The following GULP1 variants were observed in gnomAD, a reference collection of about 807,000 sequenced individuals.
The protein encoded by GULP1 is GULP PTB domain containing engulfment adaptor 1.
A neutral mutation model predicts 40.9 loss-of-function variants in GULP1; 19 were observed. The ratio of observed to expected loss-of-function variants is 0.46; its 90% confidence interval spans 0.32 to 0.68. The LOEUF is 0.68. Ranked by LOEUF, GULP1 falls within the 30% of genes least tolerant of loss-of-function variation. The pLI, the probability that GULP1 is intolerant of heterozygous loss-of-function variation, is 0.03. For missense variants in GULP1, 312 were observed against 362.2 expected (o/e 0.86, Z 1.12); for synonymous variants, 119 against 117.6 (o/e 1.01, Z -0.08).
chr2:188,342,693 A>C (rs2152188367), intron 1 of GULP1, among the ~76,000 whole-genome samples: 1 of 152,320 alleles, frequency 6.6e-6, no homozygotes, highest in African/African-American at 2.4e-5. Context: ...GTTTTATAGA[A>C]GAATGTTATT....
chr2:188,548,590 A>G (rs777406718), intron 7 of GULP1, among the ~76,000 whole-genome samples: 4 of 152,072 alleles, frequency 2.6e-5, no homozygotes, highest in Non-Finnish European at 4.4e-5. Context: ...TAAACTTTAT[A>G]TGGAAAAGCA....
At chr2:188,460,071 T>A (rs1318343569) in intron 2 of GULP1, among the ~76,000 whole-genome samples, 1 of 152,216 alleles carries the variant, frequency 6.6e-6, no homozygotes, top group East Asian at 1.9e-4. Context: ...TGAAGTCAGG[T>A]AATATGATTC....
At chr2:188,338,882 C>G (rs986615036) in intron 1 of GULP1, among the ~76,000 whole-genome samples, 2 of 152,190 alleles carry the variant, frequency 1.3e-5, no homozygotes, top group Non-Finnish European at 2.9e-5. Context: ...CCCTTCCACT[C>G]TGTGTGGAAG....
chr2:188,432,992 T>C (rs1199749811), intron 2 of GULP1, among the ~76,000 whole-genome samples: 3 of 152,224 alleles, frequency 2.0e-5, no homozygotes, highest in South Asian at 2.1e-4. Context: ...ATGTAAAAGA[T>C]TGGGTCCAAA....
chr2:188,591,805 G>C (rs1703617377), intron 11 of GULP1: 1 of 151,530 alleles, frequency 6.6e-6, no homozygotes, highest in Non-Finnish European at 1.5e-5. Flanking sequence ...TCCTTGATAT[G>C]CTTTTCTATT....
intron 2 of GULP1, among the ~76,000 whole-genome samples, chr2:188,438,612 A>G (rs975802393): frequency 2.6e-5 from 4 of 151,638 alleles, no homozygotes; most frequent in African/African-American, 7.3e-5. Flanking sequence ...ATTATTCCCA[A>G]TTCTTTGTTC....
At chr2:188,306,179 A>G (rs1026985032) in intron 1 of GULP1, among the ~76,000 whole-genome samples, 3 of 152,162 alleles carry the variant, frequency 2.0e-5, no homozygotes, top group Admixed American at 6.5e-5. Flanking sequence ...AATAGTTTCT[A>G]ATTGTTCAAC....
intron 7 of GULP1, among the ~76,000 whole-genome samples, chr2:188,551,849 C>G (rs771096700): frequency 7.3e-5 from 11 of 151,592 alleles, no homozygotes; most frequent in Non-Finnish European, 1.3e-4. Context: ...TATCTTTTGT[C>G]TTTTTGACAA....
chr2:188,294,549 G>A (rs75722582), intron 1 of GULP1, among the ~76,000 whole-genome samples: 11,141 of 152,002 alleles, frequency 0.073, 561 homozygotes, highest in Non-Finnish European at 0.1. Context: ...AGAGAGGTGG[G>A]TTGTAGGTTT....
chr2:188,457,308 T>C (rs1260977489), intron 2 of GULP1, among the ~76,000 whole-genome samples: 3 of 152,168 alleles, frequency 2.0e-5, no homozygotes, highest in Non-Finnish European at 4.4e-5. Context: ...GCTTGAATTG[T>C]AACTCCCACA....
chr2:188,574,609 A>G (rs1699797818), intron 9 of GULP1, among the ~76,000 whole-genome samples: 1 of 152,108 alleles, frequency 6.6e-6, no homozygotes, highest in Non-Finnish European at 1.5e-5. Context: ...TGATCATGCC[A>G]CTATATTCCA....
At chr2:188,550,030 T>G (rs533739120) in intron 7 of GULP1, among the ~76,000 whole-genome samples, 11 of 151,858 alleles carry the variant, frequency 7.2e-5, no homozygotes, top group Admixed American at 2.0e-4. Flanking sequence ...CTGACTATAT[T>G]ATGAATATCC....
chr2:188,551,812 T>A (rs1013304118), intron 7 of GULP1, among the ~76,000 whole-genome samples: 2 of 151,894 alleles, frequency 1.3e-5, no homozygotes, highest in African/African-American at 2.4e-5. Context: ...AAAGTTCCTT[T>A]TTCTCCACAT....
chr2:188,512,997 A>T (rs780308140), intron 4 of GULP1, among the ~76,000 whole-genome samples: 79 of 152,138 alleles, frequency 5.2e-4, no homozygotes, highest in Non-Finnish European at 1.0e-3. Context: ...CTATAGATTT[A>T]ATTTCAGCAG....
At chr2:188,457,297 A>G (rs2059347316) in intron 2 of GULP1, among the ~76,000 whole-genome samples, 1 of 152,186 alleles carries the variant, frequency 6.6e-6, no homozygotes, top group Non-Finnish European at 1.5e-5. Flanking sequence ...CCCAAATATC[A>G]GCTTGAATTG....
At chr2:188,328,687 A>G (rs750516081) in intron 1 of GULP1, among the ~76,000 whole-genome samples, 2 of 152,104 alleles carry the variant, frequency 1.3e-5, no homozygotes, top group African/African-American at 2.4e-5. Flanking sequence ...ACTGCATACA[A>G]TGAGTTCTAA....
At chr2:188,554,443 A>G (rs951075214) in intron 7 of GULP1, among the ~76,000 whole-genome samples, 4 of 151,080 alleles carry the variant, frequency 2.6e-5, no homozygotes, top group East Asian at 1.9e-4. Context: ...ATGTATTTGT[A>G]TATTTTCCAA....
chr2:188,415,766 G>A (rs1043239368), intron 2 of GULP1, among the ~76,000 whole-genome samples: 6 of 152,086 alleles, frequency 3.9e-5, no homozygotes, highest in Non-Finnish European at 5.9e-5. Context: ...CATACTAATT[G>A]AGTCCTGAAA....
rs1487886291 is a variant in GULP1 at position 188,510,023 on chromosome 2, G to A, written c.91-12733G>A. ...ATCATAACGATAATCCAGTGTCTCA[G>A]AGAAATCCTGTGAATGGTAAGCCCT... On this transcript the variant is annotated intron_variant, in intron 4 of 11. Coordinates refer to ENST00000409830, the MANE Select transcript of GULP1 (RefSeq NM_016315.4). 2.6e-5 allele frequency among the ~76,000 whole-genome samples: 4 copies of A among 152,102 alleles called. No homozygotes were observed. The East Asian group carries it at 7.7e-4, about 29-fold the overall frequency.
Sources: allele counts gnomAD v4.1 joint callset (sites outside exome capture counted in the v4.1 genomes callset), GRCh38; gene constraint gnomAD v4.1.1; transcripts MANE v1.5; gene names NCBI Gene and HGNC (gene_info 2026-07-23, HGNC 2026-07-21).